The following OSBPL9 variants were observed in gnomAD, a reference collection of about 807,000 sequenced individuals.
OSBPL9 encodes the protein oxysterol binding protein like 9.
In OSBPL9, 40 loss-of-function variants were observed where a neutral mutation model predicts 106.6. The ratio of observed to expected loss-of-function variants is 0.38; its 90% confidence interval spans 0.29 to 0.49. The LOEUF (loss-of-function observed/expected upper bound fraction) is 0.49, where lower values mean the gene tolerates loss of function less well. Ranked by LOEUF, OSBPL9 falls within the 20% of genes least tolerant of loss-of-function variation. The probability of loss-of-function intolerance (pLI) is 0.97; values close to 1 mark genes in which losing one functional copy is unlikely to be tolerated. For missense variants in OSBPL9, 609 were observed against 887.2 expected, an observed-to-expected ratio of 0.69 and a Z score of 3.98; for synonymous variants, 269 against 295.4, an observed-to-expected ratio of 0.91 and a Z score of 0.92.
At chr1:51,677,011 T>C (rs1421250439) in intron 3 of OSBPL9, among the ~76,000 whole-genome samples, 1 of 152,248 alleles carries the variant, frequency 6.6e-6, no homozygotes, top group Non-Finnish European at 1.5e-5. Flanking sequence ...GATAGCTTTA[T>C]GTCTAGTTTT....
At chr1:51,606,980 G>A (rs1448265080) in intron 2 of OSBPL9, among the ~76,000 whole-genome samples, 2 of 151,910 alleles carry the variant, frequency 1.3e-5, no homozygotes, top group East Asian at 3.9e-4. Context: ...AACCCGGGAG[G>A]CGGAGCTTGC....
chr1:51,624,032 C>A (rs532517722), intron 1 of OSBPL9, among the ~76,000 whole-genome samples: 44 of 151,984 alleles, frequency 2.9e-4, no homozygotes, highest in African/African-American at 1.1e-3. Context: ...ATTCTCCTGT[C>A]TCAGCCACCC....
intron 2 of OSBPL9, among the ~76,000 whole-genome samples, chr1:51,598,618 G>T (rs1645313891): frequency 6.6e-6 from 1 of 152,214 alleles, no homozygotes; most frequent in African/African-American, 2.4e-5. Context: ...GTGTGTGTGT[G>T]TGCCCGCGCA....
Position 51,593,651 on chromosome 1 carries a change from T to G in OSBPL9, c.-422-4473T>G, listed in dbSNP as rs541816580. Among the ~76,000 whole-genome samples the G allele has an allele frequency of 4.6e-5, 7 of 152,322 alleles. No individual in the cohort carries two copies. The East Asian group carries it at 1.3e-3, about 29-fold the overall frequency. On this transcript the variant is annotated intron_variant, in intron 1 of 25. Transcript: ENST00000371714. ...CCCTGAAGCTTTCCTGTCCAGGCCT[T>G]TTGCCTGGGCTTATTCCCACCTTCC...
chr1:51,608,712 C>T (rs2148605538), intron 2 of OSBPL9, among the ~76,000 whole-genome samples: 1 of 152,014 alleles, frequency 6.6e-6, no homozygotes, highest in Admixed American at 6.6e-5. Context: ...CTCTTGTCCG[C>T]CTAACTACCT....
At chr1:51,544,309 G>T in the OSBPL9 span, among the ~76,000 whole-genome samples, 1 of 152,086 alleles carries the variant, frequency 6.6e-6, no homozygotes, top group Non-Finnish European at 1.5e-5. Flanking sequence ...TCAAAAGTTT[G>T]AGTCCAGCCT....
At chr1:51,518,498 G>C in the OSBPL9 span, 2 of 153,098 alleles carry the variant, frequency 1.3e-5, no homozygotes, top group African/African-American at 4.8e-5. Flanking sequence ...GTGGCAAAAG[G>C]CTGCATTGGG....
chr1:51,752,674 G>A (rs560686489), intron 8 of OSBPL9: 1 of 404,588 alleles, frequency 2.5e-6, no homozygotes, highest in Non-Finnish European at 4.9e-6. Context: ...TTTCTGATGA[G>A]GGTCCTTCTC....
chr1:51,577,001 G>A (rs1196645229), upstream of OSBPL9, among the ~76,000 whole-genome samples: 4 of 152,234 alleles, frequency 2.6e-5, no homozygotes, highest in East Asian at 1.9e-4. Context: ...TGTTTGGATC[G>A]TGGGGAGAAT....
At chr1:51,563,283 T>A in the OSBPL9 span, among the ~76,000 whole-genome samples, 1 of 152,204 alleles carries the variant, frequency 6.6e-6, no homozygotes, top group African/African-American at 2.4e-5. Flanking sequence ...ATGGACACCC[T>A]TTCTCCTTCT....
At chr1:51,782,487 C>CG in intron 16 of OSBPL9, 72 bp from the exon 17 acceptor site, 1 of 1,225,010 alleles carries the variant, frequency 8.2e-7, no homozygotes, top group Non-Finnish European at 1.1e-6. Flanking sequence ...GCAGAGACCC[C>CG]AATTACCAGA....
chr1:51,645,512 T>A (rs1017446051), intron 1 of OSBPL9, among the ~76,000 whole-genome samples: 1 of 152,052 alleles, frequency 6.6e-6, no homozygotes, highest in Non-Finnish European at 1.5e-5. Flanking sequence ...AGGGTCTCAT[T>A]CTGTTGCCCA....
the OSBPL9 span, among the ~76,000 whole-genome samples, chr1:51,533,726 C>T: frequency 6.6e-6 from 1 of 151,718 alleles, no homozygotes; most frequent in Non-Finnish European, 1.5e-5. Context: ...GGTTGGAGTG[C>T]AGGGTGGGAG....
intron 8 of OSBPL9, among the ~76,000 whole-genome samples, chr1:51,754,392 A>G (rs1048224978): frequency 1.3e-5 from 2 of 152,262 alleles, no homozygotes; most frequent in African/African-American, 2.4e-5. Context: ...CAGTATTTCA[A>G]TACAATTAAA....
chr1:51,731,171 T>C (rs959883985), intron 4 of OSBPL9, among the ~76,000 whole-genome samples: 1 of 152,062 alleles, frequency 6.6e-6, no homozygotes, highest in African/African-American at 2.4e-5. Flanking sequence ...TCGTGGTGGC[T>C]CAGACTGCAA....
chr1:51,667,779 T>C (rs1286871540), intron 2 of OSBPL9, among the ~76,000 whole-genome samples: 1 of 152,362 alleles, frequency 6.6e-6, no homozygotes, highest in East Asian at 1.9e-4. Flanking sequence ...CTGTATTTGC[T>C]GTCGTGGAAT....
chr1:51,650,954 A>T (rs1409480861), intron 1 of OSBPL9, among the ~76,000 whole-genome samples: 1 of 152,178 alleles, frequency 6.6e-6, no homozygotes, highest in Non-Finnish European at 1.5e-5. Context: ...TTTTTTGAGC[A>T]CCTGATGTGT....
At chr1:51,607,164 C>T (rs368052709) in intron 2 of OSBPL9, among the ~76,000 whole-genome samples, 1,690 of 136,294 alleles carry the variant, frequency 0.012, 41 homozygotes, top group African/African-American at 0.044. Context: ...TTTTCTTTTT[C>T]TTTTTTTTTT....
chr1:51,543,686 C>T, the OSBPL9 span, among the ~76,000 whole-genome samples: 3 of 152,200 alleles, frequency 2.0e-5, no homozygotes, highest in African/African-American at 4.8e-5. Flanking sequence ...TGAGCCACTG[C>T]GCCTGGCCTC....
Sources: allele counts gnomAD v4.1 joint callset (sites outside exome capture counted in the v4.1 genomes callset), GRCh38; gene constraint gnomAD v4.1.1; transcripts MANE v1.5; gene names NCBI Gene and HGNC (gene_info 2026-07-23, HGNC 2026-07-21).